The following TBC1D22A variants were observed in gnomAD, a reference collection of about 807,000 sequenced individuals.
TBC1D22A encodes the protein putative GTPase activator.
TBC1D22A carries 38 observed loss-of-function variants against 60.2 expected under a neutral mutation model. The observed-to-expected ratio is 0.63, with a 90% CI of 0.49 to 0.83. The LOEUF is 0.83. Ranked by LOEUF, TBC1D22A falls within the 40% of genes least tolerant of loss-of-function variation. TBC1D22A has a pLI of 0.00. For missense variants in TBC1D22A, 628 were observed against 701.0 expected, an observed-to-expected ratio of 0.90 and a Z score of 1.18; for synonymous variants, 302 against 281.7, an observed-to-expected ratio of 1.07 and a Z score of -0.72.
intron 8 of TBC1D22A, 35 bp from the exon 9 acceptor site, chr22:46,974,255 G>A: frequency 1.9e-6 from 3 of 1,550,848 alleles, no homozygotes; most frequent in Non-Finnish European, 2.6e-6. Context: ...GTGTGGCTAA[G>A]TCTCCTTGTC....
chr22:46,845,621 C>A (rs2086955529), intron 4 of TBC1D22A, among the ~76,000 whole-genome samples: 1 of 152,202 alleles, frequency 6.6e-6, no homozygotes, highest in Admixed American at 6.5e-5. Flanking sequence ...GCTTATAAAT[C>A]TAGTTTATCA....
intron 10 of TBC1D22A, among the ~76,000 whole-genome samples, chr22:47,035,544 G>A (rs140298795): frequency 0.013 from 2,026 of 152,250 alleles, 19 homozygotes; most frequent in Middle Eastern, 0.034. Context: ...TGTGAAGCAG[G>A]CCTCATCCTG....
chr22:47,147,910 G>T (rs951359969), intron 12 of TBC1D22A, among the ~76,000 whole-genome samples: 1 of 152,212 alleles, frequency 6.6e-6, no homozygotes, highest in Admixed American at 6.5e-5. Flanking sequence ...GCCACTGAGG[G>T]CTTGGCATGA....
intron 1 of TBC1D22A, 60 bp downstream of exon 1, chr22:46,762,908 G>A: frequency 7.0e-7 from 1 of 1,432,536 alleles, no homozygotes; most frequent in Non-Finnish European, 9.2e-7. Flanking sequence ...TGGCCGCGTT[G>A]GCCTCCTGGG....
intron 10 of TBC1D22A, among the ~76,000 whole-genome samples, chr22:47,035,945 G>T (rs1191152436): frequency 3.3e-5 from 5 of 152,224 alleles, no homozygotes; most frequent in African/African-American, 1.2e-4. Flanking sequence ...CCAGGGACTT[G>T]AGTAAAACAA....
chr22:47,029,110 G>C (rs577024345), intron 10 of TBC1D22A, among the ~76,000 whole-genome samples: 1 of 152,188 alleles, frequency 6.6e-6, no homozygotes, highest in Non-Finnish European at 1.5e-5. Flanking sequence ...TACAGGTTAG[G>C]GGGACCAGCC....
At chr22:46,833,144 G>A (rs934975043) in intron 4 of TBC1D22A, among the ~76,000 whole-genome samples, 1 of 152,212 alleles carries the variant, frequency 6.6e-6, no homozygotes, top group African/African-American at 2.4e-5. Flanking sequence ...ATACATATGA[G>A]TTAATCTCTT....
At chr22:47,109,526 G>T (rs917418813) in intron 11 of TBC1D22A, among the ~76,000 whole-genome samples, 1 of 152,074 alleles carries the variant, frequency 6.6e-6, no homozygotes, top group African/African-American at 2.4e-5. Context: ...TTTCTGGCCC[G>T]AATCACTAGC....
At chr22:46,875,696 C>T (rs2067526924) in intron 4 of TBC1D22A, among the ~76,000 whole-genome samples, 1 of 152,154 alleles carries the variant, frequency 6.6e-6, no homozygotes, top group South Asian at 2.1e-4. Context: ...AGTGATCTAC[C>T]CACCTTGGCC....
intron 8 of TBC1D22A, among the ~76,000 whole-genome samples, chr22:46,965,300 C>G (rs77641574): frequency 0.05 from 7,557 of 152,224 alleles, 574 homozygotes; most frequent in African/African-American, 0.17. Context: ...CCTGTGGGGG[C>G]GGGGTGCCCC....
chr22:47,163,820 C>T (rs917242644), intron 12 of TBC1D22A, among the ~76,000 whole-genome samples: 9 of 152,226 alleles, frequency 5.9e-5, no homozygotes, highest in African/African-American at 2.2e-4. Context: ...TTTCCTCATG[C>T]ACACACTTGC....
intron 11 of TBC1D22A, among the ~76,000 whole-genome samples, chr22:47,083,124 A>G (rs1287061732): frequency 6.6e-6 from 1 of 152,194 alleles, no homozygotes; most frequent in Non-Finnish European, 1.5e-5. Context: ...AAACTAATCA[A>G]GAGTAATAGA....
intron 4 of TBC1D22A, among the ~76,000 whole-genome samples, chr22:46,834,216 A>C (rs1206809395): frequency 1.3e-5 from 2 of 152,178 alleles, no homozygotes; most frequent in Non-Finnish European, 2.9e-5. Flanking sequence ...TACCAGAATA[A>C]AAAAGCACAC....
At chr22:46,987,855 C>T (rs136127) in intron 9 of TBC1D22A, among the ~76,000 whole-genome samples, 65,215 of 151,924 alleles carry the variant, frequency 0.43, 16,218 homozygotes, top group African/African-American at 0.7. Flanking sequence ...GAAAGAGTTC[C>T]CTGTAGCTTG....
At chr22:46,861,521 G>T (rs2087885686) in intron 4 of TBC1D22A, among the ~76,000 whole-genome samples, 1 of 129,012 alleles carries the variant, frequency 7.8e-6, no homozygotes, top group Non-Finnish European at 1.9e-5. Context: ...GATTGTGGGA[G>T]TAGATGGCCT....
Position 46,974,415 on chromosome 22 carries a change from C to T in TBC1D22A, c.1125+16C>T, listed in dbSNP as rs777125566. On this transcript the variant is annotated intron_variant, in intron 9 of 12. Coordinates refer to ENST00000337137, the MANE Select transcript of TBC1D22A (RefSeq NM_014346.5). Reference sequence around the variant, plus strand: ...TGGCATTCAGGTGAGCGCCCGCGCCCACGGGACACAGCCCACGCCCACAGC... The same window carrying T: ...TGGCATTCAGGTGAGCGCCCGCGCCTACGGGACACAGCCCACGCCCACAGC... 2.5e-6 allele frequency: 4 copies of T among 1,594,634 alleles called. No individual in the cohort carries two copies. Among genetic ancestry groups the T allele is most frequent in the Admixed American group, 3.5e-5 (2 of 57,880 alleles).
intron 4 of TBC1D22A, among the ~76,000 whole-genome samples, chr22:46,854,912 G>A (rs534570462): frequency 6.6e-6 from 1 of 152,300 alleles, no homozygotes; most frequent in East Asian, 1.9e-4. Flanking sequence ...CCTAATACTT[G>A]TGAACAGTAA....
intron 11 of TBC1D22A, among the ~76,000 whole-genome samples, chr22:47,045,138 C>T (rs193203884): frequency 1.2e-4 from 18 of 152,290 alleles, no homozygotes; most frequent in South Asian, 6.2e-4. Flanking sequence ...ATGTTTTGGG[C>T]GCTGACTCGT....
At chr22:46,793,971 G>A in intron 3 of TBC1D22A, 130 bp downstream of exon 3, 1 of 886,950 alleles carries the variant, frequency 1.1e-6, no homozygotes, top group East Asian at 2.7e-5. Flanking sequence ...GCCCACGAGA[G>A]CCCTTATGGT....
Sources: gnomAD v4.1 joint callset for allele counts (sites outside exome capture counted in the v4.1 genomes callset) on GRCh38, gnomAD v4.1.1 for gene constraint, MANE v1.5 for transcripts, NCBI Gene and HGNC (gene_info 2026-07-23, HGNC 2026-07-21) for gene names.